Variants in SMOC2 observed in about 807,000 individuals in gnomAD.
The protein encoded by SMOC2 is SPARC related modular calcium binding 2, also known as SPARC-related modular calcium-binding protein 2.
SMOC2 carries 39 observed loss-of-function variants against 61.4 expected under a neutral mutation model. The observed-to-expected ratio is 0.64, with a 90% CI of 0.49 to 0.83. SMOC2 has a LOEUF of 0.83. Among genes scored for constraint, SMOC2 ranks in the 40% least tolerant of loss-of-function variants. SMOC2 has a pLI of 0.00. For missense variants in SMOC2, 556 were observed against 592.9 expected, an observed-to-expected ratio of 0.94 and a Z score of 0.65; for synonymous variants, 247 against 239.9, an observed-to-expected ratio of 1.03 and a Z score of -0.27.
intron 7 of SMOC2, among the ~76,000 whole-genome samples, chr6:168,575,191 C>T (rs1784769963): frequency 6.6e-6 from 1 of 152,146 alleles, no homozygotes; most frequent in Admixed American, 6.5e-5. Context: ...GGGAAGAGCT[C>T]AGCACCGAGT....
intron 1 of SMOC2, among the ~76,000 whole-genome samples, chr6:168,457,247 T>C (rs1384715838): frequency 1.3e-5 from 2 of 152,172 alleles, no homozygotes; most frequent in African/African-American, 4.8e-5. Flanking sequence ...AAAGTGCAGC[T>C]TCCAGTGAGT....
intron 1 of SMOC2, among the ~76,000 whole-genome samples, chr6:168,503,913 G>A (rs1382291178): frequency 6.6e-6 from 1 of 152,156 alleles, no homozygotes; most frequent in African/African-American, 2.4e-5. Context: ...GTTGAGGACA[G>A]CACACTCCCC....
chr6:168,480,305 T>C (rs1464741337), intron 1 of SMOC2, among the ~76,000 whole-genome samples: 1 of 152,152 alleles, frequency 6.6e-6, no homozygotes. Flanking sequence ...ATAGCAGATC[T>C]ACTTGACAAA....
At chr6:168,489,368 G>A (rs538695282) in intron 1 of SMOC2, among the ~76,000 whole-genome samples, 81 of 150,972 alleles carry the variant, frequency 5.4e-4, no homozygotes, top group African/African-American at 1.9e-3. Context: ...AAATCATCTG[G>A]GTCCCCTTGG....
At position 168,612,324 on chromosome 6, in the gene SMOC2, G is replaced by A. The variant is rs191931255; in HGVS notation, c.907+4085G>A. Among the ~76,000 whole-genome samples the A allele has an allele frequency of 9.5e-5, 12 of 126,496 alleles. 1 individual carries two copies. Among genetic ancestry groups the A allele is most frequent in the Non-Finnish European group, 1.5e-4 (9 of 58,546 alleles). The allele number at this position is 126,496 out of a possible 152,430, so 83.0% of individuals were successfully genotyped here. ...TTACTCAAACAGCAGCGCTGGGTTC[G>A]TGATCTCCATCAGGGGAGAGGGTGA... On this transcript the variant is annotated intron_variant, in intron 9 of 12. Transcript: ENST00000356284.
intron 1 of SMOC2, among the ~76,000 whole-genome samples, chr6:168,494,201 A>T (rs1301478266): frequency 1.3e-5 from 2 of 152,204 alleles, no homozygotes. Flanking sequence ...ATTCTTCATG[A>T]CATGGCAAAG....
intron 9 of SMOC2, among the ~76,000 whole-genome samples, chr6:168,642,238 A>C (rs1307967179): frequency 6.6e-6 from 1 of 152,212 alleles, no homozygotes; most frequent in Non-Finnish European, 1.5e-5. Flanking sequence ...AGAAAAAAGG[A>C]AAGTGATGGA....
chr6:168,618,626 G>A (rs1466059182), intron 9 of SMOC2, among the ~76,000 whole-genome samples: 1 of 152,114 alleles, frequency 6.6e-6, no homozygotes, highest in Non-Finnish European at 1.5e-5. Flanking sequence ...GCATTAAGAG[G>A]CGAGTCAAGG....
chr6:168,650,369 G>T (rs756607065), intron 9 of SMOC2, among the ~76,000 whole-genome samples: 2 of 152,140 alleles, frequency 1.3e-5, no homozygotes, highest in African/African-American at 4.8e-5. Flanking sequence ...CTAAGCACCC[G>T]GTGCCTCTGC....
In SMOC2 at chr6:168,452,162, A is replaced by G. The variant is rs963454285; in HGVS notation, c.84+10708A>G. 1.4e-4 allele frequency among the ~76,000 whole-genome samples: 21 copies of G among 152,254 alleles called. No homozygotes were observed. The highest frequency in any genetic ancestry group is 7.3e-5 in the Non-Finnish European group (5 of 68,050). On this transcript the variant is annotated intron_variant, in intron 1 of 12. Coordinates refer to ENST00000356284, the MANE Select transcript of SMOC2 (RefSeq NM_001166412.2). This position sits in a 1 kb window ranked among gnomAD's most constrained non-coding sequence, Gnocchi z 5.0. ...GGGCCTGCTGCCCCAAGTGAGTTCA[A>G]CTTTCCAGCTTTAAAGAATTGGCTC...
At chr6:168,462,592 T>C (rs1213565517) in intron 1 of SMOC2, among the ~76,000 whole-genome samples, 1 of 152,072 alleles carries the variant, frequency 6.6e-6, no homozygotes, top group African/African-American at 2.4e-5. Flanking sequence ...TGGGCTCCAT[T>C]TGGTGCTCTC....
intron 4 of SMOC2, among the ~76,000 whole-genome samples, chr6:168,536,947 C>T (rs958893656): frequency 6.6e-6 from 1 of 152,094 alleles, no homozygotes; most frequent in African/African-American, 2.4e-5. Context: ...TACACCCTGG[C>T]AGGGTCGGGG....
chr6:168,645,617 C>T (rs1787004955), intron 9 of SMOC2, among the ~76,000 whole-genome samples: 1 of 152,172 alleles, frequency 6.6e-6, no homozygotes, highest in Non-Finnish European at 1.5e-5. Context: ...TGTGACAGCC[C>T]GGGCACAAGA....
chr6:168,512,331 C>T (rs564158620), intron 2 of SMOC2, among the ~76,000 whole-genome samples: 25 of 152,286 alleles, frequency 1.6e-4, no homozygotes, highest in African/African-American at 4.3e-4. Context: ...TCCCAGCACC[C>T]GCCTTGTGCC....
chr6:168,441,508 G>A, intron 1 of SMOC2, 54 bp downstream of exon 1: 2 of 1,441,704 alleles, frequency 1.4e-6, no homozygotes, highest in Non-Finnish European at 1.8e-6. Flanking sequence ...TCTTGCAGCC[G>A]GCCGGGTTCG....
chr6:168,560,545 T>C (rs1784388669), intron 7 of SMOC2, among the ~76,000 whole-genome samples: 1 of 142,092 alleles, frequency 7.0e-6, no homozygotes, highest in South Asian at 2.3e-4. Flanking sequence ...GTCATTTTCC[T>C]GCCCTGAGAC....
intron 7 of SMOC2, among the ~76,000 whole-genome samples, chr6:168,591,980 A>G (rs913734727): frequency 1.3e-5 from 2 of 152,152 alleles, no homozygotes; most frequent in Non-Finnish European, 2.9e-5. Context: ...AGCCTACTCC[A>G]TCTGGAATCA....
At chr6:168,482,820 T>G (rs1782239802) in intron 1 of SMOC2, among the ~76,000 whole-genome samples, 1 of 152,028 alleles carries the variant, frequency 6.6e-6, no homozygotes, top group Non-Finnish European at 1.5e-5. Context: ...CTCAATTAGA[T>G]GAAGAAAGCT....
chr6:168,500,164 G>A (rs1056019496), intron 1 of SMOC2, among the ~76,000 whole-genome samples: 1 of 151,876 alleles, frequency 6.6e-6, no homozygotes, highest in Admixed American at 6.6e-5. Context: ...TGGCCCCTGT[G>A]GTCCCACAGC....
Sources: gnomAD v4.1 joint callset for allele counts (sites outside exome capture counted in the v4.1 genomes callset) on GRCh38, gnomAD v4.1.1 for gene constraint, Gnocchi (gnomAD v3.1) non-coding constraint, MANE v1.5 for transcripts, NCBI Gene and HGNC (gene_info 2026-07-23, HGNC 2026-07-21) for gene names.